CNGA1: variants seen among roughly 807,000 people sequenced by gnomAD.
CNGA1 encodes the protein cyclic nucleotide gated channel subunit alpha 1.
In CNGA1, 53 loss-of-function variants were observed where a neutral mutation model predicts 69.7. That is an observed-to-expected ratio of 0.76 (90% CI 0.61 to 0.96). The LOEUF (loss-of-function observed/expected upper bound fraction) is 0.96. Among genes scored for constraint, CNGA1 ranks in the 40% least tolerant of loss-of-function variants. The probability of loss-of-function intolerance (pLI) is 0.00; values close to 1 mark genes in which losing one functional copy is unlikely to be tolerated. For synonymous variants in CNGA1, 249 were observed against 283.5 expected (o/e 0.88, Z 1.22); for missense variants, 739 against 811.2 (o/e 0.91, Z 1.08).
chr4:47,949,040 A>AGGAATACCTACATGG (rs1739591101), intron 6 of CNGA1, among the ~76,000 whole-genome samples: 2 of 152,230 alleles, frequency 1.3e-5, no homozygotes, highest in Non-Finnish European at 2.9e-5. Flanking sequence ...ATCCTGGAGT[A>AGGAATACCTACATGG]GGTATTCCCA....
intron 2 of CNGA1, among the ~76,000 whole-genome samples, chr4:47,994,409 G>C (rs963041300): frequency 6.6e-6 from 1 of 152,092 alleles, no homozygotes; most frequent in African/African-American, 2.4e-5. Context: ...TGTTGGACAA[G>C]GCCTTTTATC....
At chr4:47,991,255 A>AC (rs1338358097) in intron 2 of CNGA1, among the ~76,000 whole-genome samples, 33 of 152,194 alleles carry the variant, frequency 2.2e-4, no homozygotes, top group African/African-American at 7.2e-4. Flanking sequence ...TAGTGATTGC[A>AC]CTAATTTACA....
At chr4:47,945,532 CT>C (rs1362828142) in intron 6 of CNGA1, among the ~76,000 whole-genome samples, 1 of 152,158 alleles carries the variant, frequency 6.6e-6, no homozygotes, top group Non-Finnish European at 1.5e-5. Flanking sequence ...TCGTGGCCCC[CT>C]GTTAAACTTG....
In CNGA1 at chr4:47,942,089, A is replaced by C. The variant is rs781484513; in HGVS notation, c.497T>G (p.Phe166Cys). Reference protein sequence around the residue: ...PSGNTYYNWLFCITLPVMYNW... With the variant: ...PSGNTYYNWLCCITLPVMYNW... ...GTACATAACAGGTAATGTGATGCAAAACAGCCAGTTGTAATATGTGTTTCC... is the reference window on the plus strand; with the variant it reads ...GTACATAACAGGTAATGTGATGCAACACAGCCAGTTGTAATATGTGTTTCC... The change falls in exon 9 of 11, where the codon TTT (phenylalanine) becomes TGT (cysteine). Residue 166 changes from phenylalanine to cysteine, a missense_variant. Coordinates refer to ENST00000514170, the MANE Select transcript of CNGA1 (RefSeq NM_001379270.1). 7.4e-6 allele frequency: 12 copies of C among 1,613,958 alleles called. No individual in the cohort carries two copies. Among genetic ancestry groups the C allele is most frequent in the Non-Finnish European group, 7.6e-6 (9 of 1,179,944 alleles).
chr4:47,969,060 T>C (rs1740878162), intron 3 of CNGA1, among the ~76,000 whole-genome samples: 1 of 152,116 alleles, frequency 6.6e-6, no homozygotes, highest in Non-Finnish European at 1.5e-5. Context: ...CATGTTTACT[T>C]TAGGAAGACT....
At chr4:47,970,794 A>C (rs1488152747) in intron 3 of CNGA1, 1 of 443,174 alleles carries the variant, frequency 2.3e-6, no homozygotes, top group Non-Finnish European at 4.5e-6. Context: ...TATTTTATAT[A>C]CTATATAGTA....
chr4:47,954,707 A>C (rs910199466), intron 3 of CNGA1, among the ~76,000 whole-genome samples: 7 of 152,196 alleles, frequency 4.6e-5, no homozygotes, highest in African/African-American at 1.4e-4. Flanking sequence ...ACCTGCCCTT[A>C]AAAGAGCCAG....
intron 2 of CNGA1, among the ~76,000 whole-genome samples, chr4:48,000,623 C>T (rs1322715096): frequency 6.6e-6 from 1 of 152,056 alleles, no homozygotes. Flanking sequence ...CCACCTCAGC[C>T]TCCCAAAGTG....
At chr4:47,944,560 T>C (rs531833685) in intron 6 of CNGA1, among the ~76,000 whole-genome samples, 1 of 152,194 alleles carries the variant, frequency 6.6e-6, no homozygotes, top group Admixed American at 6.5e-5. Context: ...CCATGGCAGA[T>C]GGTGGAGGAA....
At chr4:47,978,053 T>C (rs1741509308) in intron 3 of CNGA1, among the ~76,000 whole-genome samples, 1 of 152,188 alleles carries the variant, frequency 6.6e-6, no homozygotes, top group African/African-American at 2.4e-5. Flanking sequence ...CTCGAACTCC[T>C]GACCTCAGGT....
intron 6 of CNGA1, among the ~76,000 whole-genome samples, chr4:47,944,720 A>C (rs1379488669): frequency 3.3e-5 from 5 of 152,218 alleles, no homozygotes; most frequent in Non-Finnish European, 5.9e-5. Context: ...AGCTTTGAGA[A>C]GTTCAGTGGT....
intron 2 of CNGA1, among the ~76,000 whole-genome samples, chr4:47,987,061 A>G (rs1742008308): frequency 3.3e-5 from 5 of 152,062 alleles, no homozygotes; most frequent in Admixed American, 2.6e-4. Context: ...CTGTATACCT[A>G]TCACTGGATT....
chr4:47,979,680 T>C (rs1189385724), intron 3 of CNGA1, among the ~76,000 whole-genome samples: 2 of 152,236 alleles, frequency 1.3e-5, no homozygotes, highest in Non-Finnish European at 2.9e-5. Context: ...AGGTAGTTCT[T>C]AGACACTTTT....
At chr4:47,998,218 T>C (rs1005223288) in intron 2 of CNGA1, among the ~76,000 whole-genome samples, 1 of 152,038 alleles carries the variant, frequency 6.6e-6, no homozygotes, top group African/African-American at 2.4e-5. Flanking sequence ...ACCTTGGAGA[T>C]TGAAGTAGCC....
chr4:47,973,962 G>A (rs897397202), intron 3 of CNGA1, among the ~76,000 whole-genome samples: 1 of 151,988 alleles, frequency 6.6e-6, no homozygotes, highest in Non-Finnish European at 1.5e-5. Flanking sequence ...GGTGGTTGAG[G>A]CGGGCGGATC....
intron 7 of CNGA1, 36 bp downstream of exon 7, chr4:47,943,335 C>T (rs1460669672): frequency 6.5e-7 from 1 of 1,538,086 alleles, no homozygotes; most frequent in Non-Finnish European, 8.8e-7. Flanking sequence ...ATGTTATGGG[C>T]AGAAAAATGT....
intron 2 of CNGA1, among the ~76,000 whole-genome samples, chr4:47,997,795 T>G (rs112658064): frequency 1.6e-4 from 24 of 152,324 alleles, no homozygotes; most frequent in African/African-American, 4.1e-4. Flanking sequence ...AAATAAATCA[T>G]GAATTTTAAA....
At chr4:47,967,420 G>A (rs767308729) in intron 3 of CNGA1, among the ~76,000 whole-genome samples, 32 of 152,198 alleles carry the variant, frequency 2.1e-4, no homozygotes, top group Non-Finnish European at 2.5e-4. Flanking sequence ...TCTAGAAGTA[G>A]TCAACATTGC....
rs1740594572 is a variant in CNGA1 at position 47,963,960 on chromosome 4, C to T, written c.-14-11257G>A. Among the ~76,000 whole-genome samples, 3 of 152,050 alleles carry T rather than the reference C, an allele frequency of 2.0e-5. No individual in the cohort carries two copies. The South Asian group carries it at 6.2e-4, about 32-fold the overall frequency. On this transcript the variant is annotated intron_variant, in intron 3 of 10. Transcript: ENST00000514170. ...TTTCTATCTTACTCCAGTACCCAAA[C>T]AATTAATGAAAATAACTAGCAGGCA...
Sources: gnomAD v4.1 joint callset for allele counts (sites outside exome capture counted in the v4.1 genomes callset) on GRCh38, gnomAD v4.1.1 for gene constraint, MANE v1.5 for transcripts, NCBI Gene and HGNC (gene_info 2026-07-23, HGNC 2026-07-21) for gene names.